Variants in WASF3 observed in about 807,000 individuals in gnomAD.
WASF3 encodes the protein WASP family member 3.
Under a neutral mutation model 46.6 loss-of-function variants are expected in WASF3, and 11 were observed. The observed-to-expected ratio is 0.24, with a 90% CI of 0.15 to 0.39. The LOEUF is 0.39. Ranked by LOEUF, WASF3 falls within the 10% of genes least tolerant of loss-of-function variation. The probability of loss-of-function intolerance (pLI) is 1.00; values close to 1 mark genes in which losing one functional copy is unlikely to be tolerated. For synonymous variants in WASF3, 242 were observed against 259.7 expected, an observed-to-expected ratio of 0.93 and a Z score of 0.65; for missense variants, 576 against 669.8, an observed-to-expected ratio of 0.86 and a Z score of 1.55.
At chr13:26,541,920 G>T in the WASF3 span, among the ~76,000 whole-genome samples, 1,216 of 152,272 alleles carry the variant, frequency 8.0e-3, 7 homozygotes, top group Middle Eastern at 0.031. Context: ...CCCCAGCCCT[G>T]AATGTACCCG....
At chr13:26,602,286 G>C (rs1798735123) in intron 1 of WASF3, among the ~76,000 whole-genome samples, 1 of 152,152 alleles carries the variant, frequency 6.6e-6, no homozygotes, top group South Asian at 2.1e-4. Context: ...AATGATTACT[G>C]CTACTTAATT....
intron 5 of WASF3, among the ~76,000 whole-genome samples, chr13:26,671,139 TC>T (rs1230663750): frequency 6.6e-6 from 1 of 152,216 alleles, no homozygotes; most frequent in Non-Finnish European, 1.5e-5. Flanking sequence ...ATGGTTTTGA[TC>T]ATGACTTGAT....
intron 2 of WASF3, among the ~76,000 whole-genome samples, chr13:26,627,732 TGTATGCACTTA>T (rs1881512342): frequency 6.6e-6 from 1 of 152,002 alleles, no homozygotes; most frequent in African/African-American, 2.4e-5. Flanking sequence ...CAAGTATGTG[TGTATGCACTTA>T]TATATGTATA....
intron 2 of WASF3, among the ~76,000 whole-genome samples, chr13:26,629,886 T>A (rs1341795872): frequency 1.3e-5 from 2 of 152,160 alleles, no homozygotes; most frequent in Non-Finnish European, 2.9e-5. Context: ...TATAGTACAT[T>A]TAATACTCTG....
chr13:26,554,076 CTTCCTTCCTTCCTTCCTTCCTTCTTTCT>C (rs1879033695), upstream of WASF3, among the ~76,000 whole-genome samples: 7 of 72,482 alleles, frequency 9.7e-5, no homozygotes, highest in African/African-American at 4.1e-4. Context: ...TCCTTCCTTC[CTTCCTTCCTTCCTTCCTTCCTTCTTTCT>C]TTCTTTCTTT....
At chr13:26,625,684 G>A (rs1881443604) in intron 2 of WASF3, among the ~76,000 whole-genome samples, 1 of 152,164 alleles carries the variant, frequency 6.6e-6, no homozygotes, top group South Asian at 2.1e-4. Flanking sequence ...TCTTTCAGAA[G>A]CACCCTCTCA....
At chr13:26,660,855 A>G (rs1395893322) in intron 3 of WASF3, among the ~76,000 whole-genome samples, 2 of 152,188 alleles carry the variant, frequency 1.3e-5, no homozygotes, top group Admixed American at 6.5e-5. Flanking sequence ...CAGGCTGTAC[A>G]AGAAGCATAG....
intron 2 of WASF3, among the ~76,000 whole-genome samples, chr13:26,626,829 G>A (rs1280518417): frequency 6.6e-6 from 1 of 152,144 alleles, no homozygotes; most frequent in African/African-American, 2.4e-5. Flanking sequence ...TCTTAAATAT[G>A]TGGCTACATT....
At chr13:26,620,744 A>G (rs1881280627) in intron 2 of WASF3, 1 of 152,196 alleles carries the variant, frequency 6.6e-6, no homozygotes, top group Non-Finnish European at 1.5e-5. Flanking sequence ...GTGGAGAGAA[A>G]TCTTGACCTA....
chr13:26,630,013 T>G (rs1413101372), intron 2 of WASF3, among the ~76,000 whole-genome samples: 8 of 152,142 alleles, frequency 5.3e-5, no homozygotes, highest in Admixed American at 5.2e-4. Context: ...TATTTATTTA[T>G]TTTTTGAGTC....
intron 2 of WASF3, among the ~76,000 whole-genome samples, chr13:26,626,993 A>G (rs1881484572): frequency 6.6e-6 from 1 of 151,656 alleles, no homozygotes; most frequent in Non-Finnish European, 1.5e-5. Flanking sequence ...ACACATATAA[A>G]TGCTGAATAG....
chr13:26,648,597 A>G (rs1404909724), intron 3 of WASF3, among the ~76,000 whole-genome samples: 2 of 152,218 alleles, frequency 1.3e-5, no homozygotes, highest in Non-Finnish European at 2.9e-5. Flanking sequence ...CTAGATTATA[A>G]GTAAATTTCT....
At position 26,682,593 on chromosome 13, in the gene WASF3, C is replaced by A. The variant is rs144265290; in HGVS notation, c.984-14C>A. On this transcript the variant is annotated splice_polypyrimidine_tract_variant and intron_variant, in intron 8 of 9. Transcript: ENST00000335327. The surrounding 1 kb of genome is among the most constrained non-coding windows in gnomAD (Gnocchi z 4.4). ...TTGTTCCCTTGGTGACTATGTGCCT[C>A]ATATCTCTCTCAGGATGCTCCCAGC... The A allele has an allele frequency of 1.8e-4, 290 of 1,614,016 alleles. 1 individual carries two copies. The African/African-American group carries it at 3.4e-3, about 19-fold the overall frequency.
Position 26,679,952 on chromosome 13 carries a change from A to G in WASF3, c.717-1102A>G, listed in dbSNP as rs1883175202. On this transcript the variant is annotated intron_variant, in intron 7 of 9. Transcript: ENST00000335327. This position sits in a 1 kb window ranked among gnomAD's most constrained non-coding sequence, Gnocchi z 4.8. The stretch of plus-strand genomic sequence containing the variant: ...GTGCCCCAGTTAAGAAAAGCTACCA[A>G]CTGGAATCCCAAAGATGGAAATGCA... 2 of 1,506,802 alleles carry G rather than the reference A, an allele frequency of 1.3e-6. No homozygotes were observed. Among genetic ancestry groups the G allele is most frequent in the Non-Finnish European group, 1.8e-6 (2 of 1,126,414 alleles). 93.3% of individuals were successfully genotyped at this position (1,506,802 alleles called of 1,614,324 possible). A position where few individuals can be genotyped will look rare whatever the true frequency, so the allele number is the denominator to read the frequency against.
At chr13:26,606,945 T>G (rs985888946) in intron 1 of WASF3, 10 of 152,246 alleles carry the variant, frequency 6.6e-5, no homozygotes, top group Non-Finnish European at 7.3e-5. Context: ...ACCACATTCA[T>G]GTGACTTTTA....
At chr13:26,589,162 G>C (rs532649374) in intron 1 of WASF3, among the ~76,000 whole-genome samples, 21 of 152,314 alleles carry the variant, frequency 1.4e-4, no homozygotes, top group African/African-American at 5.1e-4. Context: ...TCAGTAGATG[G>C]ATAGTTACTT....
At chr13:26,680,492 T>C (rs1239786708) in intron 7 of WASF3, among the ~76,000 whole-genome samples, 3 of 152,234 alleles carry the variant, frequency 2.0e-5, no homozygotes, top group Non-Finnish European at 4.4e-5. Context: ...CAAAGAAAAC[T>C]ATGGAAAGAA....
intron 1 of WASF3, among the ~76,000 whole-genome samples, chr13:26,579,065 A>G (rs73166028): frequency 0.01 from 1,305 of 125,862 alleles, 11 homozygotes; most frequent in Middle Eastern, 0.016. Flanking sequence ...CAGTGGTGCA[A>G]TCATAGCTCA....
intron 1 of WASF3, among the ~76,000 whole-genome samples, chr13:26,599,028 G>A (rs1229751287): frequency 6.6e-6 from 1 of 151,920 alleles, no homozygotes; most frequent in Non-Finnish European, 1.5e-5. Context: ...ATGCCACCGC[G>A]CCTGGCTAAT....
Sources: gnomAD v4.1 joint callset for allele counts (sites outside exome capture counted in the v4.1 genomes callset) on GRCh38, gnomAD v4.1.1 for gene constraint, Gnocchi (gnomAD v3.1) non-coding constraint, MANE v1.5 for transcripts, NCBI Gene and HGNC (gene_info 2026-07-23, HGNC 2026-07-21) for gene names.